FGD4: variants seen among roughly 807,000 people sequenced by gnomAD.
The protein encoded by FGD4 is FYVE, RhoGEF and PH domain containing 4.
Under a neutral mutation model 102.0 loss-of-function variants are expected in FGD4, and 42 were observed. That is an observed-to-expected ratio of 0.41 (90% confidence interval 0.32 to 0.53). The LOEUF (loss-of-function observed/expected upper bound fraction) is 0.53. FGD4 is among the 20% of genes least tolerant of loss of function. The pLI, the probability that FGD4 is intolerant of heterozygous loss-of-function variation, is 0.21. For missense variants in FGD4, 902 were observed against 1,078.2 expected, an observed-to-expected ratio of 0.84 and a Z score of 2.29; for synonymous variants, 380 against 375.7, an observed-to-expected ratio of 1.01 and a Z score of -0.13.
At chr12:32,595,061 A>G (rs1047230540) in intron 4 of FGD4, among the ~76,000 whole-genome samples, 9 of 151,900 alleles carry the variant, frequency 5.9e-5, no homozygotes, top group Admixed American at 5.2e-4. Flanking sequence ...ACAGCAAAAT[A>G]AAACAAAGGG....
In FGD4 at chr12:32,617,828, T is replaced by C. The variant is rs180916024; in HGVS notation, c.1750-1870T>C. 2.6e-4 allele frequency among the ~76,000 whole-genome samples: 40 copies of C among 152,374 alleles called. No homozygotes were observed. The East Asian group carries it at 6.4e-3, about 24-fold the overall frequency. ...GGGCTAGCTACTTGGTTTCTTCCTATATATGACATAATCTTCTTTGTAAGC... is the reference window on the plus strand; with the variant it reads ...GGGCTAGCTACTTGGTTTCTTCCTACATATGACATAATCTTCTTTGTAAGC... On this transcript the variant is annotated intron_variant, in intron 10 of 16. Transcript: ENST00000534526.
chr12:32,514,542 C>T (rs1939701879), intron 1 of FGD4, among the ~76,000 whole-genome samples: 1 of 152,052 alleles, frequency 6.6e-6, no homozygotes, highest in African/African-American at 2.4e-5. Flanking sequence ...GACAGGGTCT[C>T]ACTCTGTCTC....
In FGD4 at chr12:32,642,312, A is replaced by G. The variant is rs1416636163; in HGVS notation, c.*1779A>G. 5 of 152,124 alleles carry G rather than the reference A, an allele frequency of 3.3e-5. No individual in the cohort carries two copies. Among genetic ancestry groups the G allele is most frequent in the Admixed American group, 2.0e-4 (3 of 15,262 alleles). The allele number at this position is 152,124 out of a possible 1,614,324, so 9.4% of individuals were successfully genotyped here. A position where few individuals can be genotyped will look rare whatever the true frequency, so the allele number is the denominator to read the frequency against. The stretch of plus-strand genomic sequence containing the variant: ...TAATGGCCAGCGGGGTATGTGTGTG[A>G]TGTATACTCAGAGTGGTTTTTTGGA... On this transcript the variant is annotated 3_prime_UTR_variant, in exon 17 of 17. Coordinates refer to ENST00000534526, the MANE Select transcript of FGD4 (RefSeq NM_001370298.3).
In FGD4 at chr12:32,552,434, ATTTTTTTTTTTTTTT is replaced by A. The variant is rs66646521; in HGVS notation, c.167-11692_167-11678del. On this transcript the variant is annotated intron_variant, in intron 1 of 16. Coordinates refer to ENST00000534526, the MANE Select transcript of FGD4 (RefSeq NM_001370298.3). ...GCCGCCATGCCCGACTAATTTTTGC[ATTTTTTTTTTTTTTT>A]TTTTTTTTTTGTAGTAGAGACAATG... 3.3e-5 allele frequency among the ~76,000 whole-genome samples: 4 copies of A among 121,002 alleles called. No homozygotes were observed. The South Asian group carries it at 1.2e-3, about 35-fold the overall frequency. 79.4% of individuals were successfully genotyped at this position (121,002 alleles called of 152,430 possible).
chr12:32,522,693 T>A (rs1180312070), intron 1 of FGD4, among the ~76,000 whole-genome samples: 1 of 152,230 alleles, frequency 6.6e-6, no homozygotes, highest in African/African-American at 2.4e-5. Context: ...TTTTCTTGAC[T>A]TCCTTCTCAA....
intron 1 of FGD4, among the ~76,000 whole-genome samples, chr12:32,444,021 C>CTTTTTTTTTTTTT (rs67353121): frequency 8.4e-6 from 1 of 119,120 alleles, no homozygotes; most frequent in Non-Finnish European, 1.9e-5. Flanking sequence ...ACTTTGTTTT[C>CTTTTTTTTTTTTT]TTTTTTTTTT....
rs78360190 is a variant in FGD4 at position 32,596,178 on chromosome 12, A to G, written c.1012-2319A>G. Among the ~76,000 whole-genome samples the G allele has an allele frequency of 7.4e-3, 1,133 of 152,366 alleles. 13 individuals are homozygous for G. Among genetic ancestry groups the G allele is most frequent in the African/African-American group, 0.026 (1,075 of 41,580 alleles). On this transcript the variant is annotated intron_variant, in intron 4 of 16. Coordinates refer to ENST00000534526, the MANE Select transcript of FGD4 (RefSeq NM_001370298.3). ...AAGTACTAGATAGAAAGTTTTCAAT[A>G]CAAAGATTTGCATATGAAAGATAAA...
At chr12:32,618,220 C>T (rs1253144398) in intron 10 of FGD4, among the ~76,000 whole-genome samples, 1 of 152,232 alleles carries the variant, frequency 6.6e-6, no homozygotes, top group Non-Finnish European at 1.5e-5. Context: ...CATACCATTA[C>T]ATTTGTCACT....
At chr12:32,605,540 G>C (rs1395979135) in intron 7 of FGD4, among the ~76,000 whole-genome samples, 1 of 152,102 alleles carries the variant, frequency 6.6e-6, no homozygotes, top group Non-Finnish European at 1.5e-5. Context: ...TAGGGTTGCT[G>C]TTTCTAGTCT....
intron 1 of FGD4, among the ~76,000 whole-genome samples, chr12:32,461,512 G>A (rs1480600573): frequency 1.3e-5 from 2 of 152,104 alleles, no homozygotes; most frequent in African/African-American, 2.4e-5. Context: ...TTGCCAGGTA[G>A]TTTATTTAAT....
chr12:32,474,528 C>T lies in FGD4; in HGVS notation c.166+74569C>T, dbSNP rs1204872227. On this transcript the variant is annotated intron_variant, in intron 1 of 16. Coordinates refer to ENST00000534526, the MANE Select transcript of FGD4 (RefSeq NM_001370298.3). ...GTATGCTTCCATGTATATGAAATGT[C>T]CCAAAGAGCCAAATCTATAGACAGA... 3.9e-5 allele frequency among the ~76,000 whole-genome samples: 6 copies of T among 152,226 alleles called. No homozygotes were observed. The East Asian group carries it at 1.2e-3, about 29-fold the overall frequency.
intron 1 of FGD4, among the ~76,000 whole-genome samples, chr12:32,479,011 C>T (rs1477257959): frequency 6.6e-6 from 1 of 152,186 alleles, no homozygotes; most frequent in Admixed American, 6.5e-5. Flanking sequence ...CAACTTATAA[C>T]TCCGTTTGCT....
chr12:32,574,873 GA>G (rs1018024542), intron 2 of FGD4: 1 of 152,086 alleles, frequency 6.6e-6, no homozygotes, highest in African/African-American at 2.4e-5. Flanking sequence ...CAGAAGGTAA[GA>G]AAAGGATTTA....
intron 1 of FGD4, among the ~76,000 whole-genome samples, chr12:32,409,761 C>CT (rs1167725564): frequency 6.6e-6 from 1 of 152,132 alleles, no homozygotes; most frequent in African/African-American, 2.4e-5. Context: ...ATAGGTATAT[C>CT]TTTTAAAATC....
At chr12:32,430,801 C>T (rs1048184724) in intron 1 of FGD4, among the ~76,000 whole-genome samples, 1 of 152,170 alleles carries the variant, frequency 6.6e-6, no homozygotes, top group African/African-American at 2.4e-5. Context: ...AGTAGAAGAA[C>T]TAGCTTCAAG....
At chr12:32,402,601 AT>A (rs11365381) in intron 1 of FGD4, among the ~76,000 whole-genome samples, 72,211 of 146,466 alleles carry the variant, frequency 0.49, 19,057 homozygotes, top group African/African-American at 0.72. Context: ...GGCACACACC[AT>A]TTTTTTTTTT....
chr12:32,564,337 A>G (rs1253350394), intron 2 of FGD4, 48 bp downstream of exon 2: 4 of 1,521,316 alleles, frequency 2.6e-6, no homozygotes, highest in African/African-American at 1.4e-5. Context: ...TTGTTGATCA[A>G]TGAAGGCTAA....
At chr12:32,483,873 T>C (rs117168726) in intron 1 of FGD4, among the ~76,000 whole-genome samples, 5 of 152,226 alleles carry the variant, frequency 3.3e-5, no homozygotes, top group Non-Finnish European at 7.4e-5. Flanking sequence ...ACCACCACAG[T>C]ATATGAACAT....
chr12:32,440,477 T>C (rs1392946932), intron 1 of FGD4, among the ~76,000 whole-genome samples: 2 of 152,210 alleles, frequency 1.3e-5, no homozygotes, highest in Non-Finnish European at 2.9e-5. Context: ...ACTCCTGTTG[T>C]CTTCCCTTAC....
Sources: gnomAD v4.1 joint callset for allele counts (sites outside exome capture counted in the v4.1 genomes callset) on GRCh38, gnomAD v4.1.1 for gene constraint, MANE v1.5 for transcripts, NCBI Gene and HGNC (gene_info 2026-07-23, HGNC 2026-07-21) for gene names.